Variants in GRM3 observed in about 807,000 individuals in gnomAD.
GRM3 encodes the protein metabotropic glutamate receptor 3.
Under a neutral mutation model 70.5 loss-of-function variants are expected in GRM3, and 26 were observed. The ratio of observed to expected loss-of-function variants is 0.37; its 90% CI spans 0.27 to 0.51. The LOEUF is 0.51. Ranked by LOEUF, GRM3 falls within the 20% of genes least tolerant of loss-of-function variation. GRM3 has a pLI of 0.93. For missense variants in GRM3, 859 were observed against 1,123.8 expected (o/e 0.76, Z 3.37); for synonymous variants, 443 against 434.9 (o/e 1.02, Z -0.23).
chr7:86,650,649 C>T (rs1298044302), intron 1 of GRM3, among the ~76,000 whole-genome samples: 2 of 152,102 alleles, frequency 1.3e-5, no homozygotes, highest in East Asian at 3.8e-4. Context: ...TATAAATGAA[C>T]AAGCTGAGAA....
At position 86,665,185 on chromosome 7, in the gene GRM3, G is replaced by A. The variant is rs570165643; in HGVS notation, c.-141+20313G>A. On this transcript the variant is annotated intron_variant, in intron 1 of 5. Coordinates refer to ENST00000361669, the MANE Select transcript of GRM3 (RefSeq NM_000840.3). ...TACCAAATTGAATATATTTGAGAAA[G>A]AAAATGAGGTAAAGTAAATGAACAT... is the stretch of plus-strand genomic sequence containing the variant. 4.6e-5 allele frequency among the ~76,000 whole-genome samples: 7 copies of A among 152,044 alleles called. No individual in the cohort carries two copies. In the South Asian group the frequency reaches 1.5e-3, roughly 32 times the overall value.
intron 3 of GRM3, among the ~76,000 whole-genome samples, chr7:86,825,010 A>G (rs1562875484): frequency 6.6e-6 from 1 of 152,200 alleles, no homozygotes; most frequent in South Asian, 2.1e-4. Flanking sequence ...TCATAACCTT[A>G]ACAACATTAT....
rs534201295 is a variant in GRM3 at position 86,702,816 on chromosome 7, A to G, written c.-141+57944A>G. ...CAGTTCTTGATTTAGACCAGAAGGA[A>G]GAACACAATGCCAGGGTCAAAAGTG... On this transcript the variant is annotated intron_variant, in intron 1 of 5. Coordinates refer to ENST00000361669, the MANE Select transcript of GRM3 (RefSeq NM_000840.3). Among the ~76,000 whole-genome samples, 269 of 152,086 alleles carry G rather than the reference A, an allele frequency of 1.8e-3. 2 individuals carry two copies. Among genetic ancestry groups the G allele is most frequent in the Middle Eastern group, 6.8e-3 (2 of 294 alleles).
intron 5 of GRM3, among the ~76,000 whole-genome samples, chr7:86,853,279 G>GGTAAAAT (rs1798787523): frequency 1.3e-5 from 2 of 152,096 alleles, no homozygotes; most frequent in South Asian, 4.1e-4. Flanking sequence ...ACCAGGTCCG[G>GGTAAAAT]GTAAAATGTA....
chr7:86,830,582 AAAAAT>A (rs1434590027), intron 3 of GRM3, among the ~76,000 whole-genome samples: 1 of 152,232 alleles, frequency 6.6e-6, no homozygotes, highest in Non-Finnish European at 1.5e-5. Flanking sequence ...ATGCATCAAT[AAAAAT>A]AAACTAGAGC....
intron 1 of GRM3, among the ~76,000 whole-genome samples, chr7:86,690,856 T>C (rs1794680176): frequency 6.6e-6 from 1 of 152,132 alleles, no homozygotes; most frequent in Non-Finnish European, 1.5e-5. Context: ...TTCTAGGGAT[T>C]TCAGAAGACA....
At chr7:86,787,195 T>A in intron 3 of GRM3, 79 bp downstream of exon 3, 2 of 1,147,808 alleles carry the variant, frequency 1.7e-6, no homozygotes, top group Non-Finnish European at 2.5e-6. Flanking sequence ...CTGTGCCCAA[T>A]TCAGAAATAA....
At chr7:86,698,155 CA>C (rs1232848936) in intron 1 of GRM3, among the ~76,000 whole-genome samples, 1 of 152,030 alleles carries the variant, frequency 6.6e-6, no homozygotes, top group African/African-American at 2.4e-5. Flanking sequence ...ATTCCAATTA[CA>C]TGGAAAAAGC....
chr7:86,844,048 C>T (rs1310440938), intron 4 of GRM3, among the ~76,000 whole-genome samples: 2 of 152,098 alleles, frequency 1.3e-5, no homozygotes, highest in African/African-American at 4.8e-5. Context: ...AGTGTCAAGA[C>T]TCTAGATTCT....
Position 86,839,561 on chromosome 7 carries a change from A to C in GRM3, c.2047A>C (p.Ile683Leu). 1 of 1,609,970 alleles carries C rather than the reference A, an allele frequency of 6.2e-7. No individual in the cohort carries two copies. Residue 683 changes from isoleucine to leucine, a missense_variant, in exon 4 of 6, where the codon ATC becomes CTC. By Grantham distance (5) the Ile-to-Leu change is conservative. Transcript: ENST00000361669. This position sits in a 1 kb window ranked among gnomAD's most constrained non-coding sequence, Gnocchi z 4.5. The stretch of plus-strand genomic sequence containing the variant: ...GAATGGCGCTCAGAGGCCAAAATTC[A>C]TCAGCCCCAGTTCTCAGGTTTTCAT... Reference protein sequence around the residue: ...VKNGAQRPKFISPSSQVFICL... With the variant: ...VKNGAQRPKFLSPSSQVFICL...
At chr7:86,797,635 T>TAAA (rs1562867678) in intron 3 of GRM3, among the ~76,000 whole-genome samples, 1 of 152,036 alleles carries the variant, frequency 6.6e-6, no homozygotes, top group South Asian at 2.1e-4. Flanking sequence ...GACAATGCAA[T>TAAA]AAAAAAGAAA....
At chr7:86,831,722 A>G (rs1480395931) in intron 3 of GRM3, among the ~76,000 whole-genome samples, 1 of 150,666 alleles carries the variant, frequency 6.6e-6, no homozygotes, top group African/African-American at 2.4e-5. Context: ...AGTAAAATTT[A>G]TAATGAAGAC....
At chr7:86,800,985 T>C (rs987650438) in intron 3 of GRM3, among the ~76,000 whole-genome samples, 1 of 152,084 alleles carries the variant, frequency 6.6e-6, no homozygotes, top group Non-Finnish European at 1.5e-5. Flanking sequence ...TGAGACAAGA[T>C]TATACTTTCT....
intron 1 of GRM3, among the ~76,000 whole-genome samples, chr7:86,656,490 A>G (rs1240415769): frequency 6.6e-6 from 1 of 151,862 alleles, no homozygotes; most frequent in African/African-American, 2.4e-5. Flanking sequence ...GCTGGTCTCA[A>G]ATTCCTGGTT....
intron 3 of GRM3, among the ~76,000 whole-genome samples, chr7:86,829,642 G>C (rs1156596431): frequency 6.6e-6 from 1 of 152,204 alleles, no homozygotes; most frequent in East Asian, 1.9e-4. Flanking sequence ...TGGCCAGTCA[G>C]TGAAGCAATC....
At chr7:86,683,380 C>A (rs1015062416) in intron 1 of GRM3, among the ~76,000 whole-genome samples, 1 of 152,088 alleles carries the variant, frequency 6.6e-6, no homozygotes, top group Admixed American at 6.6e-5. Flanking sequence ...AGTACCTGTG[C>A]ACCACAAAGA....
chr7:86,684,634 G>A (rs1451350868), intron 1 of GRM3, among the ~76,000 whole-genome samples: 1 of 152,144 alleles, frequency 6.6e-6, no homozygotes, highest in Admixed American at 6.6e-5. Context: ...CTCTTTAGCA[G>A]TATCTGAAGA....
intron 1 of GRM3, among the ~76,000 whole-genome samples, chr7:86,663,299 A>C (rs2115852966): frequency 6.6e-6 from 1 of 152,114 alleles, no homozygotes; most frequent in Middle Eastern, 3.4e-3. Context: ...TTCCCAGAAC[A>C]AGGCAGTGGT....
intron 1 of GRM3, among the ~76,000 whole-genome samples, chr7:86,697,922 TCTCATTAATC>T (rs1264720127): frequency 1.3e-5 from 2 of 152,090 alleles, no homozygotes; most frequent in Non-Finnish European, 2.9e-5. Flanking sequence ...ATCTCTGTCT[TCTCATTAATC>T]CTGAAAATCC....
Sources: allele counts gnomAD v4.1 joint callset (sites outside exome capture counted in the v4.1 genomes callset), GRCh38; gene constraint gnomAD v4.1.1; non-coding constraint Gnocchi (gnomAD v3.1); transcripts MANE v1.5; gene names NCBI Gene and HGNC (gene_info 2026-07-23, HGNC 2026-07-21).